The following COX7B2 variants were observed in gnomAD, a reference collection of about 807,000 sequenced individuals.
COX7B2 encodes the protein cytochrome c oxidase subunit 7B2.
For synonymous variants in COX7B2, 37 were observed against 32.1 expected (o/e 1.15, Z -0.51); for missense variants, 109 against 95.9 (o/e 1.14, Z -0.57).
In COX7B2 at chr4:46,909,022, G is replaced by A. The variant is rs1309326964; in HGVS notation, c.-105+138C>T. 10 of 151,822 alleles carry A rather than the reference G, an allele frequency of 6.6e-5. No individual in the cohort carries two copies. In the East Asian group the frequency reaches 1.9e-3, roughly 30 times the overall value. 9.4% of individuals were successfully genotyped at this position (151,822 alleles called of 1,614,324 possible). A position where few individuals can be genotyped will look rare whatever the true frequency, so the allele number is the denominator to read the frequency against. ...TGGCGTCACTGCACTCCAGCCTGGG[G>A]TGACAGAGTGAGACTCCGTCTCAAA... On this transcript the variant is annotated intron_variant, in intron 1 of 2. Coordinates refer to ENST00000355591, the MANE Select transcript of COX7B2 (RefSeq NM_130902.3).
intron 2 of COX7B2, among the ~76,000 whole-genome samples, chr4:46,752,754 T>G (rs1715475982): frequency 6.6e-6 from 1 of 152,188 alleles, no homozygotes; most frequent in African/African-American, 2.4e-5. Context: ...CAGCCTTGCA[T>G]CCCATGGATG....
intron 1 of COX7B2, among the ~76,000 whole-genome samples, chr4:46,891,441 G>C (rs1269120909): frequency 6.6e-6 from 1 of 152,138 alleles, no homozygotes; most frequent in Non-Finnish European, 1.5e-5. Flanking sequence ...AGAAAATATT[G>C]ACAGGGAGCA....
At chr4:46,892,324 G>T (rs573792756) in intron 1 of COX7B2, among the ~76,000 whole-genome samples, 1 of 152,282 alleles carries the variant, frequency 6.6e-6, no homozygotes, top group South Asian at 2.1e-4. Context: ...TGTCACATGA[G>T]TTATTATATG....
intron 2 of COX7B2, among the ~76,000 whole-genome samples, chr4:46,805,628 C>A (rs1000195667): frequency 6.6e-6 from 1 of 152,052 alleles, no homozygotes; most frequent in Non-Finnish European, 1.5e-5. Flanking sequence ...AAATTTAAAT[C>A]AAATGTTTTA....
chr4:46,774,978 T>C (rs1398541707), intron 2 of COX7B2, among the ~76,000 whole-genome samples: 1 of 152,138 alleles, frequency 6.6e-6, no homozygotes, highest in Non-Finnish European at 1.5e-5. Flanking sequence ...AGATATGTTA[T>C]TTAATTTTCA....
intron 2 of COX7B2, among the ~76,000 whole-genome samples, chr4:46,783,156 A>G (rs1717574689): frequency 6.6e-6 from 1 of 152,240 alleles, no homozygotes; most frequent in African/African-American, 2.4e-5. Flanking sequence ...TGTAAAGTAA[A>G]TTAGAAGATG....
chr4:46,746,798 C>G (rs2109416551), intron 2 of COX7B2, among the ~76,000 whole-genome samples: 1 of 152,178 alleles, frequency 6.6e-6, no homozygotes, highest in African/African-American at 2.4e-5. Flanking sequence ...TTAGAAAACC[C>G]TAAATAGCAC....
At chr4:46,737,260 C>A (rs1560341716) in intron 2 of COX7B2, among the ~76,000 whole-genome samples, 1 of 152,026 alleles carries the variant, frequency 6.6e-6, no homozygotes. Flanking sequence ...CTATTTCAGG[C>A]CTTTCGCTTA....
At chr4:46,864,969 A>G (rs1717577558) in intron 1 of COX7B2, among the ~76,000 whole-genome samples, 1 of 152,120 alleles carries the variant, frequency 6.6e-6, no homozygotes, top group South Asian at 2.1e-4. Context: ...TATTATGATT[A>G]TTTCAATAGC....
intron 2 of COX7B2, among the ~76,000 whole-genome samples, chr4:46,801,486 C>A (rs1287406320): frequency 3.9e-5 from 6 of 152,064 alleles, no homozygotes; most frequent in Non-Finnish European, 8.8e-5. Flanking sequence ...AACAGAAAAA[C>A]AAATATCGCA....
At chr4:46,787,313 G>A (rs1317169169) in intron 2 of COX7B2, among the ~76,000 whole-genome samples, 2 of 152,058 alleles carry the variant, frequency 1.3e-5, no homozygotes, top group Non-Finnish European at 2.9e-5. Context: ...CAGGCGTGGT[G>A]GTGCATACCT....
chr4:46,905,814 C>CT (rs761904309), intron 1 of COX7B2, among the ~76,000 whole-genome samples: 42,000 of 70,306 alleles, frequency 0.6, 17,201 homozygotes, highest in South Asian at 0.71. Flanking sequence ...GCATATATTT[C>CT]TTTTTTTTTT....
At chr4:46,753,183 A>G (rs1420692321) in intron 2 of COX7B2, among the ~76,000 whole-genome samples, 2 of 152,138 alleles carry the variant, frequency 1.3e-5, no homozygotes, top group Non-Finnish European at 2.9e-5. Flanking sequence ...CATTTCTTCT[A>G]GATTTTCTAG....
At chr4:46,819,510 T>C (rs1714117448) in intron 2 of COX7B2, among the ~76,000 whole-genome samples, 1 of 114,548 alleles carries the variant, frequency 8.7e-6, no homozygotes, top group African/African-American at 3.3e-5. Flanking sequence ...ACACATAAAA[T>C]ACACTAAAAC....
At chr4:46,804,309 G>A (rs1422427348) in intron 2 of COX7B2, among the ~76,000 whole-genome samples, 6 of 152,156 alleles carry the variant, frequency 3.9e-5, no homozygotes, top group African/African-American at 9.7e-5. Flanking sequence ...GGTACGGAAA[G>A]GGACCCTACC....
intron 2 of COX7B2, among the ~76,000 whole-genome samples, chr4:46,749,593 G>T (rs1188251703): frequency 2.0e-5 from 3 of 152,132 alleles, no homozygotes; most frequent in Non-Finnish European, 4.4e-5. Context: ...AGGATTGTTA[G>T]TTTGCATCTG....
intron 2 of COX7B2, among the ~76,000 whole-genome samples, chr4:46,767,248 T>C (rs1716595800): frequency 6.6e-6 from 1 of 152,170 alleles, no homozygotes; most frequent in African/African-American, 2.4e-5. Flanking sequence ...GAGTCAAAAA[T>C]TGTCATAGAA....
intron 2 of COX7B2, among the ~76,000 whole-genome samples, chr4:46,741,188 T>A (rs2109399416): frequency 6.6e-6 from 1 of 152,236 alleles, no homozygotes; most frequent in African/African-American, 2.4e-5. Flanking sequence ...AGAGTCCTAT[T>A]TCTCACATTG....
At chr4:46,740,523 TC>T (rs1714642948) in intron 2 of COX7B2, among the ~76,000 whole-genome samples, 2 of 152,192 alleles carry the variant, frequency 1.3e-5, no homozygotes, top group Admixed American at 1.3e-4. Flanking sequence ...TTAAGAAGAT[TC>T]CAAACGTAAC....
Sources: allele counts gnomAD v4.1 joint callset (sites outside exome capture counted in the v4.1 genomes callset), GRCh38; gene constraint gnomAD v4.1.1; transcripts MANE v1.5; gene names NCBI Gene and HGNC (gene_info 2026-07-23, HGNC 2026-07-21).